Variants in CSMD3 observed in about 807,000 individuals in gnomAD.
CSMD3 encodes the protein CUB and Sushi multiple domains 3, also known as CUB and sushi domain-containing protein 3.
Under a neutral mutation model 435.2 loss-of-function variants are expected in CSMD3, and 177 were observed. That is an observed-to-expected ratio of 0.41 (90% CI 0.36 to 0.46). CSMD3 has a LOEUF of 0.46. Ranked by LOEUF, CSMD3 falls within the 20% of genes least tolerant of loss-of-function variation. The probability of loss-of-function intolerance (pLI) is 0.34; values close to 1 mark genes in which losing one functional copy is unlikely to be tolerated. For synonymous variants in CSMD3, 1,656 were observed against 1,520.5 expected (o/e 1.09, Z -2.07); for missense variants, 4,265 against 4,504.6 (o/e 0.95, Z 1.52).
chr8:112,897,936 C>A (rs1291670870), intron 10 of CSMD3, among the ~76,000 whole-genome samples: 1 of 151,072 alleles, frequency 6.6e-6, no homozygotes, highest in East Asian at 2.0e-4. Flanking sequence ...ACAGACTGGT[C>A]TCCTTTTTAA....
chr8:113,109,837 T>C (rs1226952168), intron 4 of CSMD3, among the ~76,000 whole-genome samples: 1 of 152,168 alleles, frequency 6.6e-6, no homozygotes, highest in Non-Finnish European at 1.5e-5. Context: ...TCTTTCTGAG[T>C]TCCACAGCTT....
chr8:113,372,802 C>T (rs542606199), intron 1 of CSMD3, among the ~76,000 whole-genome samples: 12 of 151,972 alleles, frequency 7.9e-5, no homozygotes, highest in African/African-American at 2.7e-4. Flanking sequence ...GGCGTGGTGG[C>T]GGGCGCCTGT....
rs559973978 is a variant in CSMD3 at position 113,032,633 on chromosome 8, G to C, written c.918-13454C>G. On this transcript the variant is annotated intron_variant, in intron 5 of 70. Coordinates refer to ENST00000297405, the MANE Select transcript of CSMD3 (RefSeq NM_198123.2). ...GTTTAAAAGGAAAGTAAAGCATAAA[G>C]GTTTGAAAAATTTGCAGCCTGACCA... Among the ~76,000 whole-genome samples the C allele has an allele frequency of 2.0e-5, 3 of 151,686 alleles. No homozygotes were observed. The East Asian group carries it at 5.8e-4, about 29-fold the overall frequency.
In CSMD3 at chr8:112,408,294, T is replaced by C. The variant is rs767396772; in HGVS notation, c.5605+24A>G. 3.7e-6 allele frequency: 5 copies of C among 1,349,992 alleles called. No individual in the cohort carries two copies. In the South Asian group the frequency reaches 4.7e-5, roughly 13 times the overall value. 83.6% of individuals were successfully genotyped at this position (1,349,992 alleles called of 1,614,324 possible). On this transcript the variant is annotated intron_variant, in intron 34 of 70. Coordinates refer to ENST00000297405, the MANE Select transcript of CSMD3 (RefSeq NM_198123.2). ...GAAAATTATATCATTCCTTAGTGTG[T>C]TTCTAGACTACAGGGTCACTTACCT...
chr8:113,182,900 C>A (rs1264776694), intron 3 of CSMD3, among the ~76,000 whole-genome samples: 5 of 150,142 alleles, frequency 3.3e-5, no homozygotes, highest in African/African-American at 1.2e-4. Flanking sequence ...TTGTTGTTAT[C>A]GTTTTTCTAT....
chr8:113,357,073 T>A (rs2094235356), intron 1 of CSMD3, among the ~76,000 whole-genome samples: 1 of 152,212 alleles, frequency 6.6e-6, no homozygotes, highest in Admixed American at 6.5e-5. Context: ...TACATATATT[T>A]ATGTGTTTGT....
intron 4 of CSMD3, among the ~76,000 whole-genome samples, chr8:113,170,157 C>A (rs2092241562): frequency 6.6e-6 from 1 of 152,090 alleles, no homozygotes; most frequent in Non-Finnish European, 1.5e-5. Context: ...CAGCCCCCTG[C>A]AAAGTTATAA....
At chr8:113,207,474 C>A (rs550212147) in intron 3 of CSMD3, among the ~76,000 whole-genome samples, 2 of 151,846 alleles carry the variant, frequency 1.3e-5, no homozygotes. Context: ...ACTCAGCCTC[C>A]CAGGTTCAAG....
chr8:112,413,534 C>G (rs1295644960), intron 32 of CSMD3, among the ~76,000 whole-genome samples: 1 of 152,094 alleles, frequency 6.6e-6, no homozygotes, highest in East Asian at 1.9e-4. Context: ...TAAAGAAACT[C>G]TTGAGCATTA....
chr8:112,439,208 T>G (rs528436731), intron 32 of CSMD3, among the ~76,000 whole-genome samples: 1 of 152,312 alleles, frequency 6.6e-6, no homozygotes, highest in East Asian at 1.9e-4. Context: ...TGGCACGATC[T>G]CATCTCACTT....
chr8:113,112,388 T>C (rs1170355891), intron 4 of CSMD3, among the ~76,000 whole-genome samples: 2 of 52 alleles, frequency 0.038, no homozygotes, highest in Admixed American at 0.25. Context: ...CAATAAAACA[T>C]ATATATATAT....
chr8:112,231,441 T>C, intron 69 of CSMD3, 104 bp downstream of exon 69: 2 of 796,016 alleles, frequency 2.5e-6, no homozygotes, highest in South Asian at 2.8e-5. Flanking sequence ...CAGTACAGAA[T>C]TTATAATGCA....
At chr8:113,332,546 G>T (rs2094036296) in intron 1 of CSMD3, among the ~76,000 whole-genome samples, 1 of 151,540 alleles carries the variant, frequency 6.6e-6, no homozygotes, top group Admixed American at 6.6e-5. Context: ...GTGCAAAGAA[G>T]AATATTTGTG....
chr8:112,823,129 CAGGATGATGCTG>C (rs1019830651), intron 12 of CSMD3, among the ~76,000 whole-genome samples: 4 of 152,234 alleles, frequency 2.6e-5, no homozygotes, highest in African/African-American at 9.6e-5. Flanking sequence ...GTTTTGGTAT[CAGGATGATGCTG>C]GCTTTATAAA....
chr8:112,545,098 T>C (rs145693671), intron 27 of CSMD3, among the ~76,000 whole-genome samples: 218 of 152,296 alleles, frequency 1.4e-3, no homozygotes, highest in African/African-American at 5.0e-3. Flanking sequence ...TGCCAATTCA[T>C]GGCCTGGCAG....
intron 3 of CSMD3, among the ~76,000 whole-genome samples, chr8:113,176,857 A>C (rs973010915): frequency 6.6e-6 from 1 of 151,944 alleles, no homozygotes; most frequent in Non-Finnish European, 1.5e-5. Context: ...ACTTTTACCT[A>C]TGTAACAAAC....
At chr8:112,646,515 G>A (rs1377885091) in intron 19 of CSMD3, among the ~76,000 whole-genome samples, 1 of 152,012 alleles carries the variant, frequency 6.6e-6, no homozygotes, top group Non-Finnish European at 1.5e-5. Context: ...AAGTTTCTTG[G>A]GAATTTTTTT....
intron 4 of CSMD3, among the ~76,000 whole-genome samples, chr8:113,154,904 A>C (rs988377975): frequency 6.6e-6 from 1 of 152,008 alleles, no homozygotes; most frequent in Non-Finnish European, 1.5e-5. Context: ...AACATAAGAA[A>C]TATAAATTTG....
chr8:112,834,111 G>A (rs1026811839), intron 11 of CSMD3, among the ~76,000 whole-genome samples: 3 of 151,842 alleles, frequency 2.0e-5, no homozygotes, highest in African/African-American at 7.2e-5. Context: ...AATTGTAACT[G>A]AGACTCATGC....
Sources: gnomAD v4.1 joint callset for allele counts (sites outside exome capture counted in the v4.1 genomes callset) on GRCh38, gnomAD v4.1.1 for gene constraint, MANE v1.5 for transcripts, NCBI Gene and HGNC (gene_info 2026-07-23, HGNC 2026-07-21) for gene names.